Variants in NID2 observed in about 807,000 individuals in gnomAD.
NID2 encodes the protein nidogen-2.
NID2 carries 83 observed loss-of-function variants against 145.4 expected under a neutral mutation model. The observed-to-expected ratio is 0.57, with a 90% CI of 0.48 to 0.69. The LOEUF (loss-of-function observed/expected upper bound fraction) is 0.69, where lower values mean the gene tolerates loss of function less well. NID2 is among the 30% of genes least tolerant of loss of function. The pLI is 0.00. For missense variants in NID2, 1,807 were observed against 1,765.7 expected, an observed-to-expected ratio of 1.02 and a Z score of -0.42; for synonymous variants, 739 against 701.3, an observed-to-expected ratio of 1.05 and a Z score of -0.85.
At chr14:52,025,907 G>A (rs1018084) in intron 12 of NID2, among the ~76,000 whole-genome samples, 149,400 of 152,316 alleles carry the variant, frequency 0.98, 73,322 homozygotes, top group Non-Finnish European at 1. Flanking sequence ...ACCACCAAAA[G>A]TATCTATTTA....
At chr14:52,051,289 A>G (rs1422648034) in intron 5 of NID2, among the ~76,000 whole-genome samples, 1 of 152,202 alleles carries the variant, frequency 6.6e-6, no homozygotes, top group Non-Finnish European at 1.5e-5. Flanking sequence ...AAGGGAAACT[A>G]AAATGTATTG....
chr14:52,031,129 T>G (rs1276261943), intron 9 of NID2, among the ~76,000 whole-genome samples: 1 of 152,166 alleles, frequency 6.6e-6, no homozygotes, highest in Non-Finnish European at 1.5e-5. Flanking sequence ...TGAAGGAACT[T>G]CATGAAGTTA....
At position 52,042,358 on chromosome 14, in the gene NID2, A is replaced by T. The variant is rs1892316248; in HGVS notation, c.1580-8T>A. 6.2e-7 allele frequency: 1 copy of T among 1,602,296 alleles called. No individual in the cohort carries two copies. The highest frequency in any genetic ancestry group is 8.5e-7 in the Non-Finnish European group (1 of 1,171,308). Reference sequence around the variant, plus strand: ...TCACTCGGTGAGGTGCCCCTAAAAGACAGCAAATCCAGTTAGGCTTGGACG... The same window carrying T: ...TCACTCGGTGAGGTGCCCCTAAAAGTCAGCAAATCCAGTTAGGCTTGGACG... On this transcript the variant is annotated splice_region_variant and splice_polypyrimidine_tract_variant and intron_variant, in intron 6 of 21. Coordinates refer to ENST00000216286, the MANE Select transcript of NID2 (RefSeq NM_007361.4).
At chr14:52,036,862 G>A (rs1451806401) in intron 9 of NID2, among the ~76,000 whole-genome samples, 1 of 51,568 alleles carries the variant, frequency 1.9e-5, no homozygotes, top group African/African-American at 9.9e-5. Flanking sequence ...TTTTTTTATT[G>A]AGTTGTAAGA....
In NID2 at chr14:52,020,160, T is replaced by C. The variant is rs1891350945; in HGVS notation, c.2693A>G (p.Glu898Gly). The C allele has an allele frequency of 1.9e-6, 3 of 1,613,886 alleles. No individual in the cohort carries two copies. The highest frequency in any genetic ancestry group is 2.5e-6 in the Non-Finnish European group (3 of 1,179,874). ...HQCTDVDECS[E>G]NRCHPAATCY... ...GGTAGCTGCAGGGTGACATCTGTTT[T>C]CTGAGCATTCATCTACATCTGCAGA... Residue 898 changes from glutamate (E) to glycine (G), a missense_variant, in exon 13 of 22, where the codon GAA becomes GGA. Physicochemically the swap from Glu to Gly is moderately conservative, Grantham distance 98. Coordinates refer to ENST00000216286, the MANE Select transcript of NID2 (RefSeq NM_007361.4).
In NID2 at chr14:52,042,248, T is replaced by C. The variant is rs768891985; in HGVS notation, c.1682A>G (p.Asn561Ser). 1 of 1,614,206 alleles carries C rather than the reference T, an allele frequency of 6.2e-7. No homozygotes were observed. Residue 561 changes from asparagine to serine, a missense_variant, in exon 7 of 22, where the codon AAT becomes AGT. Physicochemically the swap from Asn to Ser is conservative, Grantham distance 46. Coordinates refer to ENST00000216286, the MANE Select transcript of NID2 (RefSeq NM_007361.4). ...GATGGCCGTGTAGGCTCTGCCATCA[T>C]TGCCCACGATATACGCATGCAGGTC... is the stretch of plus-strand genomic sequence containing the variant. ...DVDLHAYIVG[N>S]DGRAYTAISH...
rs1566755743 is a variant in NID2 at position 52,030,585 on chromosome 14, A to AGAACGGAAGGAAGG, written c.2258-896_2258-895insCCTTCCTTCCGTTC. 2.2e-3 allele frequency among the ~76,000 whole-genome samples: 87 copies of AGAACGGAAGGAAGG among 40,464 alleles called. 3 individuals carry two copies. Among genetic ancestry groups the AGAACGGAAGGAAGG allele is most frequent in the East Asian group, 7.0e-3 (6 of 852 alleles). 26.5% of individuals were successfully genotyped at this position (40,464 alleles called of 152,430 possible). A position where few individuals can be genotyped will look rare whatever the true frequency, so the allele number is the denominator to read the frequency against. On this transcript the variant is annotated intron_variant, in intron 9 of 21. Transcript: ENST00000216286. Reference sequence around the variant, plus strand: ...GAAAGAAAGGAAGGAAGGGAAAGAAAGAAAGAAAGAAAGAAAGAAAGAGAA... The same window carrying AGAACGGAAGGAAGG: ...GAAAGAAAGGAAGGAAGGGAAAGAAAGAACGGAAGGAAGGGAAAGAAAGAAAGAAAGAAAGAGAA...
In NID2 at chr14:52,019,177, G is replaced by C; in HGVS notation, c.2912C>G (p.Pro971Arg). The stretch of plus-strand genomic sequence containing the variant: ...ACCAGTGCTGCCATGACACTGTAGG[G>C]GCAGGAAGTTGCCCTGCTCGTCGCA... ...PQCDEQGNFL[P>R]LQCHGSTGFC... is the part of the protein sequence containing the mutation. Residue 971 changes from proline to arginine, a missense_variant, in exon 14 of 22, where the codon CCC becomes CGC. Pro to Arg is a moderately radical substitution (Grantham distance 103). Coordinates refer to ENST00000216286, the MANE Select transcript of NID2 (RefSeq NM_007361.4). 1 of 1,614,090 alleles carries C rather than the reference G, an allele frequency of 6.2e-7. No individual in the cohort carries two copies. Among genetic ancestry groups the C allele is most frequent in the Non-Finnish European group, 8.5e-7 (1 of 1,179,984 alleles).
intron 8 of NID2, among the ~76,000 whole-genome samples, chr14:52,039,416 T>A (rs1194867277): frequency 6.6e-6 from 1 of 152,198 alleles, no homozygotes; most frequent in Non-Finnish European, 1.5e-5. Context: ...TTTAAACCAA[T>A]CCATCTTCTA....
In NID2 at chr14:52,038,875, CTGCACACCTG is replaced by C; in HGVS notation, c.2119_2128del (p.Gln707GlyfsTer15). The C allele has an allele frequency of 6.2e-7, 1 of 1,614,150 alleles. No homozygotes were observed. Reference sequence around the variant, plus strand: ...GAAGGACGGGTGTCTGGGGGCGTGCCTGCACACCTGGTAAGTGATGTTCTGGTGGATGCGG... The same window carrying C: ...GAAGGACGGGTGTCTGGGGGCGTGCCGTAAGTGATGTTCTGGTGGATGCGG... On this transcript the variant is annotated frameshift_variant, in exon 9 of 22. Transcript: ENST00000216286. LOFTEE classifies it high-confidence loss of function.
rs891501520 is a variant in NID2, at chr14:52,015,106, T to A, written c.3198A>T (p.Lys1066Asn). 5 of 1,613,986 alleles carry A rather than the reference T, an allele frequency of 3.1e-6. No homozygotes were observed. The African/African-American group carries it at 4.0e-5, about 13-fold the overall frequency. ...GGGTGCCCTGCACCTCTCTGCCATCTTTGTCCACACACCAGCAGAAGTCGC... is the reference window on the plus strand; with the variant it reads ...GGGTGCCCTGCACCTCTCTGCCATCATTGTCCACACACCAGCAGAAGTCGC... ...GKSDFCWCVD[K>N]DGREVQGTRS... The change falls in exon 15 of 22, where the codon AAA becomes AAT. Residue 1066 changes from lysine (K) to asparagine (N), a missense_variant. Physicochemically the swap from Lys to Asn is moderately conservative, Grantham distance 94. Coordinates refer to ENST00000216286, the MANE Select transcript of NID2 (RefSeq NM_007361.4).
intron 14 of NID2, among the ~76,000 whole-genome samples, chr14:52,017,718 T>C (rs1891263071): frequency 6.6e-6 from 1 of 152,160 alleles, no homozygotes; most frequent in Admixed American, 6.5e-5. Flanking sequence ...CTGTACCTTT[T>C]TTGGACCTTT....
intron 3 of NID2, 137 bp downstream of exon 3, chr14:52,059,987 T>C: frequency 3.5e-6 from 2 of 566,458 alleles, no homozygotes; most frequent in Non-Finnish European, 6.1e-6. Context: ...TTGAATCTAG[T>C]TCCTTGGTTT....
At chr14:52,012,873 T>C (rs1412950761) in intron 16 of NID2, among the ~76,000 whole-genome samples, 2 of 152,212 alleles carry the variant, frequency 1.3e-5, no homozygotes, top group East Asian at 1.9e-4. Context: ...CCTGAGGTCA[T>C]ACAAGTTCCT....
At chr14:52,028,921 A>G in intron 10 of NID2, 71 bp from the exon 11 acceptor site, 1 of 1,515,504 alleles carries the variant, frequency 6.6e-7, no homozygotes, top group South Asian at 1.2e-5. Flanking sequence ...CTAAAAACTC[A>G]ATGTTTTCTC....
At chr14:52,006,019 T>A in intron 20 of NID2, 170 bp from the exon 21 acceptor site, 2 of 601,644 alleles carry the variant, frequency 3.3e-6, no homozygotes, top group East Asian at 5.7e-5. Flanking sequence ...CTAAATCCAT[T>A]GCTCATCTCT....
intron 6 of NID2, 27 bp from the exon 7 acceptor site, chr14:52,042,377 T>C: frequency 1.3e-6 from 2 of 1,590,610 alleles, no homozygotes; most frequent in East Asian, 4.5e-5. Context: ...CCAGTTAGGC[T>C]TGGACGTCAT....
At chr14:52,059,145 A>T (rs1892946715) in intron 3 of NID2, among the ~76,000 whole-genome samples, 1 of 152,222 alleles carries the variant, frequency 6.6e-6, no homozygotes, top group Admixed American at 6.5e-5. Flanking sequence ...GTACTAACCT[A>T]CAATTCTTGT....
rs766009521 is a variant in NID2, at chr14:52,015,174, C to T, written c.3130G>A (p.Asp1044Asn). 3.1e-6 allele frequency: 5 copies of T among 1,614,010 alleles called. No individual in the cohort carries two copies. The Admixed American group carries it at 6.7e-5, about 22-fold the overall frequency. Residue 1044 changes from aspartate to asparagine, a missense_variant, in exon 15 of 22, where the codon GAT (aspartate) becomes AAT (asparagine). Physicochemically the swap from Asp to Asn is conservative, Grantham distance 23. Coordinates refer to ENST00000216286, the MANE Select transcript of NID2 (RefSeq NM_007361.4). Reference protein sequence around the residue: ...PRDDQYVPQCDDLGHFIPLQC... With the variant: ...PRDDQYVPQCNDLGHFIPLQC... ...AGGGGGATGAAGTGGCCCAGGTCAT[C>T]GCACTGGGGCACGTACTGGTCATCC...
Sources: gnomAD v4.1 joint callset for allele counts (sites outside exome capture counted in the v4.1 genomes callset) on GRCh38, gnomAD v4.1.1 for gene constraint, MANE v1.5 for transcripts, NCBI Gene and HGNC (gene_info 2026-07-23, HGNC 2026-07-21) for gene names.